GFER: variants seen among roughly 807,000 people sequenced by gnomAD.
GFER encodes the protein FAD-linked sulfhydryl oxidase ALR.
GFER carries 24 observed loss-of-function variants against 18.2 expected under a neutral mutation model. The observed-to-expected ratio is 1.32, with a 90% CI of 0.96 to 1.86. The LOEUF (loss-of-function observed/expected upper bound fraction) is 1.86, where lower values mean the gene tolerates loss of function less well. GFER is among the 40% of genes most tolerant of loss of function. The pLI is 0.00. For missense variants in GFER, 316 were observed against 295.6 expected (o/e 1.07, Z -0.51); for synonymous variants, 138 against 126.9 (o/e 1.09, Z -0.59).
In GFER at chr16:1,986,456, C is replaced by A. The variant is rs376238901; in HGVS notation, c.*428C>A. On this transcript the variant is annotated 3_prime_UTR_variant, in exon 3 of 3. Coordinates refer to ENST00000248114, the MANE Select transcript of GFER (RefSeq NM_005262.3). The stretch of plus-strand genomic sequence containing the variant: ...TGCAGCCAGGGATGCCCCTGCCCCC[C>A]ATGGCTCTGTGCTGCTCACTTTAGG... 2 of 346,092 alleles carry A rather than the reference C, an allele frequency of 5.8e-6. No homozygotes were observed. Among genetic ancestry groups the A allele is most frequent in the South Asian group, 4.5e-5 (2 of 44,424 alleles). The allele number at this position is 346,092 out of a possible 1,614,324, so 21.4% of individuals were successfully genotyped here. A position where few individuals can be genotyped will look rare whatever the true frequency, so the allele number is the denominator to read the frequency against.
intron 2 of GFER, 148 bp from the exon 3 acceptor site, chr16:1,985,718 G>A: frequency 1.2e-6 from 1 of 802,050 alleles, no homozygotes; most frequent in Non-Finnish European, 2.2e-6. Context: ...CCCTGTTCTG[G>A]GAGTGCCTGT....
intron 2 of GFER, among the ~76,000 whole-genome samples, chr16:1,985,240 C>T (rs2083558379): frequency 6.6e-6 from 1 of 152,268 alleles, no homozygotes; most frequent in Non-Finnish European, 1.5e-5. Context: ...TTAGGGAAGA[C>T]TCCACTTTGC....
chr16:1,984,878 C>G lies in GFER; in HGVS notation c.390C>G (p.Ala130=). Residue 130 remains alanine (A), a synonymous_variant, in exon 2 of 3, where the codon GCC becomes GCG. Transcript: ENST00000248114. ...CCCCAGAACAGCAGCAAGACATGGC[C>G]CAGTTCATACATTTATTTTCTAAGT... is the stretch of plus-strand genomic sequence containing the variant. The part of the protein sequence containing the change: ...LPTPEQQQDM[A]QFIHLFSKFY... The G allele has an allele frequency of 1.2e-6, 2 of 1,613,770 alleles. No individual in the cohort carries two copies. Among genetic ancestry groups the G allele is most frequent in the Non-Finnish European group, 1.7e-6 (2 of 1,179,938 alleles).
chr16:1,984,205 C>G lies in GFER; in HGVS notation c.-14C>G. On this transcript the variant is annotated 5_prime_UTR_variant, in exon 1 of 3. Transcript: ENST00000248114. ...TGGAGGCCGAGCTGACCCGGCAGGC[C>G]TTGCGCGGGCAACATGGCGGCGCCC... 1 of 1,470,756 alleles carries G rather than the reference C, an allele frequency of 6.8e-7. No homozygotes were observed. The highest frequency in any genetic ancestry group is 9.0e-7 in the Non-Finnish European group (1 of 1,117,240). The allele number at this position is 1,470,756 out of a possible 1,614,324, so 91.1% of individuals were successfully genotyped here. A position where few individuals can be genotyped will look rare whatever the true frequency, so the allele number is the denominator to read the frequency against.
At position 1,984,468 on chromosome 16, in the gene GFER, C is replaced by A; in HGVS notation, c.250C>A (p.Gln84Lys). The A allele has an allele frequency of 6.4e-7, 1 of 1,558,778 alleles. No homozygotes were observed. Among genetic ancestry groups the A allele is most frequent in the South Asian group, 1.2e-5 (1 of 85,076 alleles). Residue 84 changes from glutamine to lysine, a missense_variant, in exon 1 of 3, where the codon CAG (glutamine) becomes AAG (lysine). Gln to Lys is a moderately conservative substitution (Grantham distance 53, BLOSUM62 1). Transcript: ENST00000248114. Reference protein sequence around the residue: ...CVDFKTWMRTQQKRDTKFRED... With the variant: ...CVDFKTWMRTKQKRDTKFRED... ...CGACTTCAAGACGTGGATGCGGACG[C>A]AGCAGAAGGTGCAGTTCCCTGCCCG... is the stretch of plus-strand genomic sequence containing the variant.
Position 1,984,914 on chromosome 16 carries a change from T to G in GFER, c.426T>G (p.Cys142Trp). 1.2e-6 allele frequency: 2 copies of G among 1,613,464 alleles called. No individual in the cohort carries two copies. Among genetic ancestry groups the G allele is most frequent in the South Asian group, 2.2e-5 (2 of 91,080 alleles). The change falls in exon 2 of 3, where the codon TGT becomes TGG. Residue 142 changes from cysteine to tryptophan, a missense_variant. By Grantham distance (215) the Cys-to-Trp change is radical. Transcript: ENST00000248114. ...ATTTATTTTCTAAGTTTTACCCCTG[T>G]GAGGAGTGTGCTGAAGACCTAAGAA... ...FIHLFSKFYPCEECAEDLRKR... is the reference protein window; with the variant it reads ...FIHLFSKFYPWEECAEDLRKR...
intron 1 of GFER, 75 bp from the exon 2 acceptor site, chr16:1,984,672 T>TG: frequency 6.9e-7 from 1 of 1,443,108 alleles, no homozygotes; most frequent in Admixed American, 1.7e-5. Flanking sequence ...GGCCACCGGC[T>TG]GGGCCGTACA....
Position 1,986,048 on chromosome 16 carries a change from C to T in GFER, c.*20C>T, listed in dbSNP as rs1468762317. 6.8e-6 allele frequency: 11 copies of T among 1,610,642 alleles called. No homozygotes were observed. Among genetic ancestry groups the T allele is most frequent in the Admixed American group, 1.7e-5 (1 of 60,004 alleles). On this transcript the variant is annotated 3_prime_UTR_variant, in exon 3 of 3. Transcript: ENST00000248114. ...GACTAGAGGGTGGTCAGCCAGAGCT[C>T]ATGGGACAGCTAGCCAGGCATGGTT...
At position 1,986,145 on chromosome 16, in the gene GFER, G is replaced by C; in HGVS notation, c.*117G>C. 1.8e-6 allele frequency: 2 copies of C among 1,098,606 alleles called. No homozygotes were observed. The highest frequency in any genetic ancestry group is 2.7e-6 in the Non-Finnish European group (2 of 735,012). 68.1% of individuals were successfully genotyped at this position (1,098,606 alleles called of 1,614,324 possible). ...TTGTGTCTCAGTTGGGTGGTCCCCA[G>C]GACACTGCCTGTGGGGACCTGCCCT... On this transcript the variant is annotated 3_prime_UTR_variant, in exon 3 of 3. Transcript: ENST00000248114.
chr16:1,985,096 A>C, intron 2 of GFER, 153 bp downstream of exon 2: 1 of 695,876 alleles, frequency 1.4e-6, no homozygotes, highest in South Asian at 1.5e-5. Flanking sequence ...GACTGGGGCT[A>C]TCTGAGCCTC....
chr16:1,984,683 G>A (rs545266207), intron 1 of GFER, 64 bp from the exon 2 acceptor site: 3 of 1,481,556 alleles, frequency 2.0e-6, no homozygotes, highest in East Asian at 2.3e-5. Context: ...GGGCCGTACA[G>A]TGGGGAGCTT....
In GFER at chr16:1,986,478, T is replaced by C. The variant is rs11864543; in HGVS notation, c.*450T>C. 0.022 allele frequency: 6,765 copies of C among 307,920 alleles called. 440 individuals carry two copies. Among genetic ancestry groups the C allele is most frequent in the African/African-American group, 0.14 (6,318 of 46,092 alleles). The allele number at this position is 307,920 out of a possible 1,614,324, so 19.1% of individuals were successfully genotyped here. A position where few individuals can be genotyped will look rare whatever the true frequency, so the allele number is the denominator to read the frequency against. ...CCCCATGGCTCTGTGCTGCTCACTT[T>C]AGGGGGCTCAATTCTCCACTCTGCT... On this transcript the variant is annotated 3_prime_UTR_variant, in exon 3 of 3. Coordinates refer to ENST00000248114, the MANE Select transcript of GFER (RefSeq NM_005262.3).
At position 1,986,774 on chromosome 16, in the gene GFER, G is replaced by A. The variant is rs1338198690; in HGVS notation, c.*746G>A. The A allele has an allele frequency of 6.5e-6, 1 of 154,704 alleles. No homozygotes were observed. Among genetic ancestry groups the A allele is most frequent in the Non-Finnish European group, 1.4e-5 (1 of 69,790 alleles). The allele number at this position is 154,704 out of a possible 1,614,324, so 9.6% of individuals were successfully genotyped here. A position where few individuals can be genotyped will look rare whatever the true frequency, so the allele number is the denominator to read the frequency against. ...CAGCTGCATTTCCTGCTGGGGTCCT[G>A]GTTCCTCAGGAGAGAGAGACCACAG... On this transcript the variant is annotated 3_prime_UTR_variant, in exon 3 of 3. Transcript: ENST00000248114.
chr16:1,984,254 C>A lies in GFER; in HGVS notation c.36C>A (p.Gly12=). 6.8e-7 allele frequency: 1 copy of A among 1,479,176 alleles called. No homozygotes were observed. Among genetic ancestry groups the A allele is most frequent in the South Asian group, 1.3e-5 (1 of 77,902 alleles). The allele number at this position is 1,479,176 out of a possible 1,614,324, so 91.6% of individuals were successfully genotyped here. ...CCGGCGAGCGGGGCCGCTTCCACGGCGGGAACCTCTTCTTCCTGCCGGGGG... is the reference window on the plus strand; with the variant it reads ...CCGGCGAGCGGGGCCGCTTCCACGGAGGGAACCTCTTCTTCCTGCCGGGGG... The part of the protein sequence containing the change: ...AAPGERGRFH[G]GNLFFLPGGA... Residue 12 remains glycine, a synonymous_variant, in exon 1 of 3, where the codon GGC becomes GGA. Coordinates refer to ENST00000248114, the MANE Select transcript of GFER (RefSeq NM_005262.3).
At chr16:1,985,362 C>A (rs539944730) in intron 2 of GFER, among the ~76,000 whole-genome samples, 6 of 152,390 alleles carry the variant, frequency 3.9e-5, no homozygotes, top group African/African-American at 1.4e-4. Flanking sequence ...CTGGCCCTTG[C>A]AGGTGTTTCT....
rs892737568 is a variant in GFER at position 1,987,714 on chromosome 16, T to C, written c.*1686T>C. On this transcript the variant is annotated 3_prime_UTR_variant, in exon 3 of 3. Transcript: ENST00000248114. ...CCCTTTTTCCCTGTCTTCCTTAAAG[T>C]TTCACTCCTGAATAAAACTTCACTT... is the stretch of plus-strand genomic sequence containing the variant. 3.3e-5 allele frequency: 5 copies of C among 149,818 alleles called. No homozygotes were observed. The highest frequency in any genetic ancestry group is 1.2e-4 in the African/African-American group (5 of 40,558). 9.3% of individuals were successfully genotyped at this position (149,818 alleles called of 1,614,324 possible). A position where few individuals can be genotyped will look rare whatever the true frequency, so the allele number is the denominator to read the frequency against.
In GFER at chr16:1,984,840, C is replaced by G. The variant is rs201603991; in HGVS notation, c.352C>G (p.Pro118Ala). The change falls in exon 2 of 3, where the codon CCC becomes GCC. Residue 118 changes from proline to alanine, a missense_variant. Coordinates refer to ENST00000248114, the MANE Select transcript of GFER (RefSeq NM_005262.3). ...AVLHTLAAYYPDLPTPEQQQD... is the reference protein window; with the variant it reads ...AVLHTLAAYYADLPTPEQQQD... Reference sequence around the variant, plus strand: ...CCTCCACACCCTGGCCGCCTACTACCCCGACCTGCCCACCCCAGAACAGCA... The same window carrying G: ...CCTCCACACCCTGGCCGCCTACTACGCCGACCTGCCCACCCCAGAACAGCA... 8 of 1,613,484 alleles carry G rather than the reference C, an allele frequency of 5.0e-6. No homozygotes were observed. The highest frequency in any genetic ancestry group is 3.3e-5 in the Admixed American group (2 of 60,010).
At chr16:1,985,134 C>G in intron 2 of GFER, 191 bp downstream of exon 2, 2 of 649,854 alleles carry the variant, frequency 3.1e-6, no homozygotes, top group Non-Finnish European at 5.6e-6. Context: ...GCCAAGCTGT[C>G]GGGATCTGCT....
At position 1,986,138 on chromosome 16, in the gene GFER, G is replaced by A; in HGVS notation, c.*110G>A. ...GAGCCTGTTGTGTCTCAGTTGGGTG[G>A]TCCCCAGGACACTGCCTGTGGGGAC... On this transcript the variant is annotated 3_prime_UTR_variant, in exon 3 of 3. Coordinates refer to ENST00000248114, the MANE Select transcript of GFER (RefSeq NM_005262.3). 1 of 1,198,398 alleles carries A rather than the reference G, an allele frequency of 8.3e-7. No individual in the cohort carries two copies. Among genetic ancestry groups the A allele is most frequent in the South Asian group, 1.2e-5 (1 of 81,082 alleles). 74.2% of individuals were successfully genotyped at this position (1,198,398 alleles called of 1,614,324 possible).
Sources: gnomAD v4.1 joint callset for allele counts (sites outside exome capture counted in the v4.1 genomes callset) on GRCh38, gnomAD v4.1.1 for gene constraint, MANE v1.5 for transcripts, NCBI Gene and HGNC (gene_info 2026-07-23, HGNC 2026-07-21) for gene names.